The following SPECC1L variants were observed in gnomAD, a reference collection of about 807,000 sequenced individuals.
SPECC1L encodes sperm antigen with calponin homology and coiled-coil domains 1 like, also known as cytospin-A.
SPECC1L carries 40 observed loss-of-function variants against 116.8 expected under a neutral mutation model. The ratio of observed to expected loss-of-function variants is 0.34; its 90% confidence interval spans 0.27 to 0.45. SPECC1L has a LOEUF of 0.45. Ranked by LOEUF, SPECC1L falls within the 20% of genes least tolerant of loss-of-function variation. The pLI is 1.00. For missense variants in SPECC1L, 1,110 were observed against 1,373.6 expected (o/e 0.81, Z 3.03); for synonymous variants, 504 against 500.6 (o/e 1.01, Z -0.09).
chr22:24,297,219 C>T (rs2049284652), intron 2 of SPECC1L, among the ~76,000 whole-genome samples: 1 of 150,628 alleles, frequency 6.6e-6, no homozygotes, highest in South Asian at 2.1e-4. Context: ...AAGCATGAGC[C>T]ACTGCGCCTG....
At chr22:24,390,872 CTTTTTTTTTTTT>C (rs1016008966) in intron 14 of SPECC1L, among the ~76,000 whole-genome samples, 8 of 57,120 alleles carry the variant, frequency 1.4e-4, no homozygotes, top group African/African-American at 5.3e-4. Flanking sequence ...TTTTTCTTTT[CTTTTTTTTTTTT>C]TTTTTTTTTT....
chr22:24,387,808 C>T (rs1041341358), intron 14 of SPECC1L, among the ~76,000 whole-genome samples: 7 of 152,144 alleles, frequency 4.6e-5, no homozygotes, highest in Admixed American at 3.3e-4. Context: ...TCCAACATGG[C>T]TCTTACTGGA....
chr22:24,280,337 G>A (rs1236308160), intron 2 of SPECC1L, among the ~76,000 whole-genome samples: 1 of 151,828 alleles, frequency 6.6e-6, no homozygotes, highest in Non-Finnish European at 1.5e-5. Flanking sequence ...AGTAGCTGGG[G>A]CTTGAACAAA....
chr22:24,328,114 G>C (rs951310329), intron 6 of SPECC1L, among the ~76,000 whole-genome samples: 1 of 152,138 alleles, frequency 6.6e-6, no homozygotes, highest in Non-Finnish European at 1.5e-5. Context: ...TTTTAGAGTA[G>C]AACCTCCAAA....
intron 10 of SPECC1L, chr22:24,343,383 G>T (rs2041219822): frequency 2.5e-6 from 1 of 403,702 alleles, no homozygotes; most frequent in African/African-American, 2.1e-5. Context: ...TTAAGGACAG[G>T]CAGGTGAGAA....
intron 9 of SPECC1L, among the ~76,000 whole-genome samples, chr22:24,337,136 T>C (rs891008173): frequency 2.0e-5 from 3 of 152,222 alleles, no homozygotes; most frequent in Non-Finnish European, 2.9e-5. Context: ...TGTACATAAA[T>C]GTTCGTAGCA....
At chr22:24,363,702 G>C (rs2146624457) in intron 12 of SPECC1L, among the ~76,000 whole-genome samples, 1 of 152,092 alleles carries the variant, frequency 6.6e-6, no homozygotes, top group East Asian at 1.9e-4. Flanking sequence ...AGAAACTACT[G>C]ATTTAAGGAC....
chr22:24,358,841 T>C (rs1197577806), intron 11 of SPECC1L, among the ~76,000 whole-genome samples: 1 of 152,212 alleles, frequency 6.6e-6, no homozygotes, highest in African/African-American at 2.4e-5. Flanking sequence ...AAACTACCTG[T>C]AACTATTTAT....
chr22:24,318,357 C>CA (rs2040646328), intron 4 of SPECC1L, among the ~76,000 whole-genome samples: 1 of 152,006 alleles, frequency 6.6e-6, no homozygotes, highest in South Asian at 2.1e-4. Flanking sequence ...CGTCTCCACC[C>CA]AAAAAATACG....
intron 14 of SPECC1L, among the ~76,000 whole-genome samples, chr22:24,374,701 C>G (rs573845973): frequency 6.6e-6 from 1 of 150,846 alleles, no homozygotes; most frequent in African/African-American, 2.4e-5. Flanking sequence ...GTGCAGCACA[C>G]CAACATGGCA....
chr22:24,369,761 C>T (rs1387628007), intron 14 of SPECC1L, among the ~76,000 whole-genome samples: 1 of 152,200 alleles, frequency 6.6e-6, no homozygotes, highest in Non-Finnish European at 1.5e-5. Context: ...TCCACAGTAC[C>T]CAATATTTCC....
rs754296334 is a variant in SPECC1L at position 24,302,228 on chromosome 22, C to G, written c.-4C>G. 2.0e-5 allele frequency: 33 copies of G among 1,613,774 alleles called. No individual in the cohort carries two copies. The highest frequency in any genetic ancestry group is 5.0e-5 in the Admixed American group (3 of 59,992). On this transcript the variant is annotated 5_prime_UTR_variant, in exon 3 of 17. Transcript: ENST00000314328. ...GTAAATGCATCACGAAGAGGCAGCC[C>G]AGAATGAAGAAAGCAAGCAGGAGTG... is the stretch of plus-strand genomic sequence containing the variant.
intron 2 of SPECC1L, among the ~76,000 whole-genome samples, chr22:24,277,685 C>T (rs139776115): frequency 0.014 from 2,153 of 152,286 alleles, 64 homozygotes; most frequent in African/African-American, 0.049. Context: ...AAGGTCTGTC[C>T]CTGTTGTAGC....
chr22:24,336,368 G>A (rs1049658168), intron 9 of SPECC1L, among the ~76,000 whole-genome samples: 1 of 152,010 alleles, frequency 6.6e-6, no homozygotes, highest in Non-Finnish European at 1.5e-5. Context: ...CATTTAAAGT[G>A]CAAGAAAGAT....
rs556892191 is a variant in SPECC1L, at chr22:24,372,756, T to A, written c.3087+3436T>A. Among the ~76,000 whole-genome samples, 10 of 151,208 alleles carry A rather than the reference T, an allele frequency of 6.6e-5. No homozygotes were observed. In the South Asian group the frequency reaches 1.9e-3, roughly 28 times the overall value. On this transcript the variant is annotated intron_variant, in intron 14 of 16. Coordinates refer to ENST00000314328, the MANE Select transcript of SPECC1L (RefSeq NM_015330.6). Reference sequence around the variant, plus strand: ...CTCTCACCACTCCTATTCAACATAGTGTTGGAAGTTCTGGCCAGGGCAGTC... The same window carrying A: ...CTCTCACCACTCCTATTCAACATAGAGTTGGAAGTTCTGGCCAGGGCAGTC...
chr22:24,330,185 C>G, intron 7 of SPECC1L, 71 bp from the exon 8 acceptor site: 1 of 1,529,446 alleles, frequency 6.5e-7, no homozygotes, highest in Non-Finnish European at 9.0e-7. Context: ...CAATCATAAA[C>G]AAATTTTATT....
intron 14 of SPECC1L, among the ~76,000 whole-genome samples, chr22:24,372,022 CAA>C (rs1779734020): frequency 6.6e-6 from 1 of 152,082 alleles, no homozygotes; most frequent in African/African-American, 2.4e-5. Context: ...CGCCCGGTCT[CAA>C]AGGGAAATTT....
chr22:24,281,234 A>T, intron 2 of SPECC1L, among the ~76,000 whole-genome samples: 1 of 152,186 alleles, frequency 6.6e-6, no homozygotes, highest in Non-Finnish European at 1.5e-5. Flanking sequence ...GTAGAGAGAA[A>T]AATGTAGTGA....
At chr22:24,305,307 C>T (rs958231256) in intron 3 of SPECC1L, among the ~76,000 whole-genome samples, 1 of 152,204 alleles carries the variant, frequency 6.6e-6, no homozygotes, top group Non-Finnish European at 1.5e-5. Flanking sequence ...CCCTCAGAAG[C>T]TTCCACCGTG....
Sources: gnomAD v4.1 joint callset for allele counts (sites outside exome capture counted in the v4.1 genomes callset) on GRCh38, gnomAD v4.1.1 for gene constraint, MANE v1.5 for transcripts, NCBI Gene and HGNC (gene_info 2026-07-23, HGNC 2026-07-21) for gene names.